KCNH4: variants seen among roughly 807,000 people sequenced by gnomAD.
KCNH4 encodes the protein voltage-gated delayed rectifier potassium channel KCNH4.
Under a neutral mutation model 90.7 loss-of-function variants are expected in KCNH4, and 33 were observed. That is an observed-to-expected ratio of 0.36 (90% CI 0.28 to 0.49). The LOEUF is 0.49. Among genes scored for constraint, KCNH4 ranks in the 20% least tolerant of loss-of-function variants. The pLI, the probability that KCNH4 is intolerant of heterozygous loss-of-function variation, is 0.98. For missense variants in KCNH4, 1,044 were observed against 1,387.1 expected, an observed-to-expected ratio of 0.75 and a Z score of 3.93; for synonymous variants, 551 against 581.7, an observed-to-expected ratio of 0.95 and a Z score of 0.76.
Position 42,173,321 on chromosome 17 carries a change from G to A in KCNH4, c.988-1326C>T, listed in dbSNP as rs147570866. The stretch of plus-strand genomic sequence containing the variant: ...TCGTGCAATTTTTCTCTAATTTTAG[G>A]TGAAGGAACTGGAAAGGAGGTGGCT... On this transcript the variant is annotated intron_variant, in intron 6 of 16. Coordinates refer to ENST00000264661, the MANE Select transcript of KCNH4 (RefSeq NM_012285.3). Among the ~76,000 whole-genome samples the A allele has an allele frequency of 8.0e-3, 1,211 of 152,140 alleles. 6 individuals are homozygous for A. The highest frequency in any genetic ancestry group is 0.027 in the Middle Eastern group (8 of 294).
chr17:42,161,106 T>G lies in KCNH4; in HGVS notation c.2659-671A>C, dbSNP rs527870726. ...CACGCCCGGCTAATTTTTTTCGTAT[T>G]CTTAGTAGAGACAGGGTTTCACCGT... On this transcript the variant is annotated intron_variant, in intron 15 of 16. Transcript: ENST00000264661. 2.8e-4 allele frequency among the ~76,000 whole-genome samples: 42 copies of G among 151,890 alleles called. 1 individual carries two copies. In the South Asian group the frequency reaches 7.9e-3, roughly 29 times the overall value.
intron 15 of KCNH4, 123 bp from the exon 16 acceptor site, chr17:42,160,558 AG>A (rs2079739194): frequency 2.0e-6 from 2 of 998,940 alleles, no homozygotes; most frequent in Non-Finnish European, 2.8e-6. Flanking sequence ...GGAAAAAGGC[AG>A]GATGAGGGTT....
rs765016708 is a variant in KCNH4 at position 42,169,480 on chromosome 17, G to C, written c.1587C>G (p.Asn529Lys). ...GATTGGAGACCCTGCAGGCTACCTCGTTGGCGTCGATGCCGCTGTTGACGG... is the reference window on the plus strand; with the variant it reads ...GATTGGAGACCCTGCAGGCTACCTCCTTGGCGTCGATGCCGCTGTTGACGG... Reference protein sequence around the residue: ...TWAVNSGIDANELLRDFPDEL... With the variant: ...TWAVNSGIDAKELLRDFPDEL... The change falls in exon 9 of 17, where the codon AAC (asparagine) becomes AAG (lysine). Residue 529 changes from asparagine to lysine, a missense_variant. Physicochemically the swap from Asn to Lys is moderately conservative, Grantham distance 94. Transcript: ENST00000264661. The C allele has an allele frequency of 6.2e-7, 1 of 1,612,634 alleles. No homozygotes were observed. The highest frequency in any genetic ancestry group is 1.3e-5 in the African/African-American group (1 of 74,946).
At chr17:42,159,537 C>A (rs1301951891) in intron 16 of KCNH4, among the ~76,000 whole-genome samples, 194 bp downstream of exon 16, 1 of 152,146 alleles carries the variant, frequency 6.6e-6, no homozygotes, top group Non-Finnish European at 1.5e-5. Context: ...CTCTAGGTAA[C>A]ATTGCTCTTA....
Position 42,170,261 on chromosome 17 carries a change from A to G in KCNH4, c.1236T>C (p.Tyr412=), listed in dbSNP as rs1022087744. ...ATGGGCCGCCCACCGAGCCATTGAC[A>G]TAGGGCACCTCCAGACGCTTGCCCA... ...HELGKRLEVP[Y]VNGSVGGPSR... is the part of the protein sequence containing the mutation. The change falls in exon 8 of 17, where the codon TAT becomes TAC. Residue 412 remains tyrosine, a synonymous_variant. Coordinates refer to ENST00000264661, the MANE Select transcript of KCNH4 (RefSeq NM_012285.3). The G allele has an allele frequency of 3.1e-6, 5 of 1,606,662 alleles. No homozygotes were observed. Among genetic ancestry groups the G allele is most frequent in the Non-Finnish European group, 3.4e-6 (4 of 1,179,644 alleles).
At chr17:42,165,343 CAT>C (rs2079779548) in intron 11 of KCNH4, 104 bp downstream of exon 11, 1 of 1,413,344 alleles carries the variant, frequency 7.1e-7, no homozygotes, top group South Asian at 1.3e-5. Context: ...GGGCTTCAGG[CAT>C]GTGTTTTTAG....
At chr17:42,167,360 A>G (rs1044565621) in intron 9 of KCNH4, among the ~76,000 whole-genome samples, 8 of 151,990 alleles carry the variant, frequency 5.3e-5, no homozygotes, top group African/African-American at 1.9e-4. Context: ...TCCGCCTCCC[A>G]GGTTCAAGTA....
intron 10 of KCNH4, among the ~76,000 whole-genome samples, chr17:42,165,961 G>A (rs2079784399): frequency 6.6e-6 from 1 of 152,058 alleles, no homozygotes; most frequent in South Asian, 2.1e-4. Flanking sequence ...TGGCCGGAGG[G>A]GTCAGGTCAG....
In KCNH4 at chr17:42,174,871, G is replaced by C. The variant is rs555393398; in HGVS notation, c.987+708C>G. The stretch of plus-strand genomic sequence containing the variant: ...CTACCTTCTTGTCTAGGTTTACTAT[G>C]CTCCCCCAAATGCTTGCTGTCCTCA... On this transcript the variant is annotated intron_variant, in intron 6 of 16. Coordinates refer to ENST00000264661, the MANE Select transcript of KCNH4 (RefSeq NM_012285.3). Among the ~76,000 whole-genome samples, 253 of 152,204 alleles carry C rather than the reference G, an allele frequency of 1.7e-3. 2 individuals carry two copies. The highest frequency in any genetic ancestry group is 5.6e-3 in the African/African-American group (233 of 41,540).
intron 4 of KCNH4, among the ~76,000 whole-genome samples, chr17:42,176,618 G>A (rs2079864158): frequency 6.8e-6 from 1 of 146,178 alleles, no homozygotes; most frequent in Non-Finnish European, 1.5e-5. Flanking sequence ...CACCTCCTGG[G>A]TTCAAGTGAT....
Position 42,163,491 on chromosome 17 carries a change from G to T in KCNH4, c.2477+115C>A. The T allele has an allele frequency of 1.4e-6, 1 of 739,078 alleles. No individual in the cohort carries two copies. The highest frequency in any genetic ancestry group is 2.3e-6 in the Non-Finnish European group (1 of 441,528). 45.8% of individuals were successfully genotyped at this position (739,078 alleles called of 1,614,324 possible). On this transcript the variant is annotated intron_variant, in intron 13 of 16. Transcript: ENST00000264661. The surrounding 1 kb of genome is among the most constrained non-coding windows in gnomAD (Gnocchi z 5.4). ...CAAGCTGTGGTTGGAAGGGTGCGGT[G>T]GGCACACGGGCAGAGACGGAATGTA...
chr17:42,170,709 A>G (rs1488563198), intron 7 of KCNH4, among the ~76,000 whole-genome samples: 1 of 152,218 alleles, frequency 6.6e-6, no homozygotes, highest in Non-Finnish European at 1.5e-5. Flanking sequence ...GAATCCTAAC[A>G]GGTTAGGGAA....
At chr17:42,172,263 C>T (rs544838506) in intron 6 of KCNH4, among the ~76,000 whole-genome samples, 52 of 149,772 alleles carry the variant, frequency 3.5e-4, no homozygotes, top group South Asian at 3.0e-3. Flanking sequence ...AGTGCAGTGG[C>T]GAGATCTCAG....
In KCNH4 at chr17:42,160,183, G is replaced by A; in HGVS notation, c.2911C>T (p.Leu971Phe). 2 of 1,613,824 alleles carry A rather than the reference G, an allele frequency of 1.2e-6. No homozygotes were observed. The highest frequency in any genetic ancestry group is 1.7e-6 in the Non-Finnish European group (2 of 1,179,772). Residue 971 changes from leucine to phenylalanine, a missense_variant, in exon 16 of 17, where the codon CTC becomes TTC. Physicochemically the swap from Leu to Phe is conservative, Grantham distance 22. Transcript: ENST00000264661. The stretch of plus-strand genomic sequence containing the variant: ...AATATGGAAGGTCTCAAGTCCAGGA[G>A]CGCAGTCCCTGTCTCCATGGTCCCC... ...SVGTMETGTA[L>F]LDLRPSILPP...
intron 11 of KCNH4, among the ~76,000 whole-genome samples, chr17:42,164,759 G>T (rs11652990): frequency 6.6e-6 from 1 of 151,734 alleles, no homozygotes; most frequent in East Asian, 1.9e-4. Context: ...CTGAGATGGC[G>T]CCACTACACT....
At chr17:42,158,864 T>C (rs1437900053) in intron 16 of KCNH4, among the ~76,000 whole-genome samples, 1 of 151,268 alleles carries the variant, frequency 6.6e-6, no homozygotes, top group Non-Finnish European at 1.5e-5. Context: ...ATATTTTTTT[T>C]ATAGAGATAG....
At chr17:42,162,421 GGGA>G in intron 14 of KCNH4, 100 bp from the exon 15 acceptor site, 1 of 985,882 alleles carries the variant, frequency 1.0e-6, no homozygotes, top group South Asian at 1.4e-5. Flanking sequence ...GGAGAGCAGG[GGGA>G]GACAAAGCTC....
intron 4 of KCNH4, among the ~76,000 whole-genome samples, chr17:42,177,637 A>G (rs901449957): frequency 2.6e-5 from 4 of 152,194 alleles, no homozygotes; most frequent in African/African-American, 9.7e-5. Context: ...CAGGGAGCAG[A>G]GGCTGGCATA....
At position 42,178,047 on chromosome 17, in the gene KCNH4, T is replaced by C. The variant is rs1013921608; in HGVS notation, c.585+53A>G. On this transcript the variant is annotated intron_variant, in intron 4 of 16. Transcript: ENST00000264661. ...GTGGGGAGACAGTGGCAGGGGTGCC[T>C]CAGAATCAAGGCTGGAGGACTTGGG... The C allele has an allele frequency of 1.4e-5, 22 of 1,581,394 alleles. No homozygotes were observed. In the African/African-American group the frequency reaches 2.4e-4, roughly 17 times the overall value.
Sources: gnomAD v4.1 joint callset for allele counts (sites outside exome capture counted in the v4.1 genomes callset) on GRCh38, gnomAD v4.1.1 for gene constraint, Gnocchi (gnomAD v3.1) non-coding constraint, MANE v1.5 for transcripts, NCBI Gene and HGNC (gene_info 2026-07-23, HGNC 2026-07-21) for gene names.